BMPR1B: variants seen among roughly 807,000 people sequenced by gnomAD.
BMPR1B encodes the protein bone morphogenetic protein receptor type-1B.
BMPR1B carries 12 observed loss-of-function variants against 59.1 expected under a neutral mutation model. The observed-to-expected ratio is 0.20, with a 90% CI of 0.13 to 0.33. The LOEUF (loss-of-function observed/expected upper bound fraction) is 0.33, where lower values mean the gene tolerates loss of function less well. Ranked by LOEUF, BMPR1B falls within the 10% of genes least tolerant of loss-of-function variation. The pLI is 1.00. For synonymous variants in BMPR1B, 237 were observed against 207.3 expected, an observed-to-expected ratio of 1.14 and a Z score of -1.23; for missense variants, 550 against 610.9, an observed-to-expected ratio of 0.90 and a Z score of 1.05.
chr4:95,129,760 A>G, intron 8 of BMPR1B, 102 bp from the exon 9 acceptor site: 1 of 1,138,000 alleles, frequency 8.8e-7, no homozygotes, highest in Non-Finnish European at 1.3e-6. Context: ...TACTAGCTAA[A>G]TATATTTTAC....
intron 2 of BMPR1B, among the ~76,000 whole-genome samples, chr4:94,908,749 A>G (rs1397918704): frequency 6.6e-6 from 1 of 152,074 alleles, no homozygotes; most frequent in Non-Finnish European, 1.5e-5. Context: ...TCATTAAAGC[A>G]TTCACCGAAG....
chr4:94,881,023 T>C (rs141504003), intron 2 of BMPR1B, among the ~76,000 whole-genome samples: 2 of 152,344 alleles, frequency 1.3e-5, no homozygotes, highest in African/African-American at 4.8e-5. Context: ...TTACCTTGCA[T>C]AATATTGCCA....
At chr4:94,860,753 T>C (rs1236585295) in intron 1 of BMPR1B, among the ~76,000 whole-genome samples, 1 of 152,242 alleles carries the variant, frequency 6.6e-6, no homozygotes, top group Non-Finnish European at 1.5e-5. Context: ...AGCTGAGTCT[T>C]CTTATGTAGA....
intron 6 of BMPR1B, among the ~76,000 whole-genome samples, chr4:95,120,665 T>TTCCTTC (rs1283539480): frequency 6.9e-5 from 10 of 144,732 alleles, no homozygotes; most frequent in Admixed American, 4.3e-4. Flanking sequence ...CTTCCTTCCT[T>TTCCTTC]CTTCTTTCTT....
intron 3 of BMPR1B, among the ~76,000 whole-genome samples, chr4:95,097,691 C>CA: frequency 6.6e-6 from 1 of 152,114 alleles, no homozygotes; most frequent in Admixed American, 6.5e-5. Flanking sequence ...GCATGTGCCA[C>CA]CATGCCCAGC....
At chr4:94,989,641 A>G (rs1450098340) in intron 2 of BMPR1B, among the ~76,000 whole-genome samples, 1 of 152,162 alleles carries the variant, frequency 6.6e-6, no homozygotes, top group East Asian at 1.9e-4. Flanking sequence ...GCTTCTCCTT[A>G]CTAAAAGTTC....
chr4:94,934,924 C>A (rs545207853), intron 2 of BMPR1B, among the ~76,000 whole-genome samples: 15 of 151,964 alleles, frequency 9.9e-5, no homozygotes, highest in African/African-American at 3.6e-4. Flanking sequence ...TCCAGAGGAT[C>A]CCAATTATTA....
chr4:95,154,742 A>G lies in BMPR1B; in HGVS notation c.*69A>G. 1.3e-6 allele frequency: 2 copies of G among 1,593,920 alleles called. No homozygotes were observed. Among genetic ancestry groups the G allele is most frequent in the Admixed American group, 1.7e-5 (1 of 59,898 alleles). On this transcript the variant is annotated 3_prime_UTR_variant, in exon 13 of 13. Transcript: ENST00000515059. ...CTCTTCTGTTTGTGGGCAGAGCAAA[A>G]GACATCAAATAAGCATCCACAGTAC... is the stretch of plus-strand genomic sequence containing the variant.
intron 1 of BMPR1B, among the ~76,000 whole-genome samples, chr4:94,869,002 G>A (rs73836154): frequency 0.031 from 4,735 of 151,830 alleles, 159 homozygotes; most frequent in African/African-American, 0.078. Context: ...TGAGGACAGG[G>A]CTTAAACAGT....
intron 3 of BMPR1B, among the ~76,000 whole-genome samples, chr4:95,008,186 T>C (rs1179850193): frequency 6.6e-6 from 1 of 152,190 alleles, no homozygotes; most frequent in African/African-American, 2.4e-5. Flanking sequence ...AACTATTGAA[T>C]ATCTGTCTCA....
At chr4:94,988,409 A>T (rs1721540577) in intron 2 of BMPR1B, among the ~76,000 whole-genome samples, 1 of 152,110 alleles carries the variant, frequency 6.6e-6, no homozygotes, top group Non-Finnish European at 1.5e-5. Flanking sequence ...TATTAAACAT[A>T]GTTGTTTTAT....
chr4:94,769,274 CAAAG>C (rs1722080920), intron 1 of BMPR1B, among the ~76,000 whole-genome samples: 1 of 152,152 alleles, frequency 6.6e-6, no homozygotes, highest in South Asian at 2.1e-4. Context: ...TAAAGTGTGT[CAAAG>C]AGATGATCTA....
At chr4:94,815,980 A>C (rs1364443637) in intron 1 of BMPR1B, among the ~76,000 whole-genome samples, 1 of 152,214 alleles carries the variant, frequency 6.6e-6, no homozygotes, top group African/African-American at 2.4e-5. Context: ...TGTTTTTCAT[A>C]GACTGTAGTC....
intron 2 of BMPR1B, among the ~76,000 whole-genome samples, chr4:94,937,718 A>G (rs1729368896): frequency 1.2e-5 from 1 of 86,190 alleles, no homozygotes; most frequent in Non-Finnish European, 2.6e-5. Context: ...ACACACACAC[A>G]GACACACACA....
chr4:95,117,460 A>G (rs1296679499), intron 6 of BMPR1B, among the ~76,000 whole-genome samples: 2 of 152,112 alleles, frequency 1.3e-5, no homozygotes, highest in Admixed American at 6.6e-5. Flanking sequence ...ATGAAACAGC[A>G]TGACTGGTTG....
At chr4:95,134,425 T>A (rs1000207948) in intron 10 of BMPR1B, among the ~76,000 whole-genome samples, 10 of 152,198 alleles carry the variant, frequency 6.6e-5, no homozygotes, top group Non-Finnish European at 1.3e-4. Flanking sequence ...TAGTTCTAGA[T>A]CCTTGAGGAA....
chr4:94,933,629 A>G (rs1729177705), intron 2 of BMPR1B, among the ~76,000 whole-genome samples: 1 of 152,138 alleles, frequency 6.6e-6, no homozygotes, highest in East Asian at 1.9e-4. Context: ...TCACTTTAGT[A>G]AAGGTGTATC....
intron 1 of BMPR1B, among the ~76,000 whole-genome samples, chr4:94,780,108 A>G (rs535476377): frequency 2.6e-5 from 4 of 152,144 alleles, no homozygotes; most frequent in Admixed American, 6.5e-5. Flanking sequence ...TTGGTTTGCT[A>G]ATGTCTCATT....
intron 3 of BMPR1B, among the ~76,000 whole-genome samples, chr4:95,008,781 A>C (rs1336643297): frequency 6.6e-6 from 1 of 152,156 alleles, no homozygotes; most frequent in Non-Finnish European, 1.5e-5. Context: ...AATCAGTAAG[A>C]AAAGTAAATT....
Sources: gnomAD v4.1 joint callset for allele counts (sites outside exome capture counted in the v4.1 genomes callset) on GRCh38, gnomAD v4.1.1 for gene constraint, MANE v1.5 for transcripts, NCBI Gene and HGNC (gene_info 2026-07-23, HGNC 2026-07-21) for gene names.